Variants in CLN6 observed in about 807,000 individuals in gnomAD.
The protein encoded by CLN6 is ceroid-lipofuscinosis neuronal protein 6.
Under a neutral mutation model 33.3 loss-of-function variants are expected in CLN6, and 22 were observed. The ratio of observed to expected loss-of-function variants is 0.66; its 90% CI spans 0.47 to 0.94. The LOEUF (loss-of-function observed/expected upper bound fraction) is 0.94. CLN6 is among the 40% of genes least tolerant of loss of function. The pLI, the probability that CLN6 is intolerant of heterozygous loss-of-function variation, is 0.00. For missense variants in CLN6, 387 were observed against 417.1 expected (o/e 0.93, Z 0.63); for synonymous variants, 201 against 174.6 (o/e 1.15, Z -1.19).
chr15:68,210,348 G>C lies in CLN6; in HGVS notation c.543-589C>G, dbSNP rs1203557281. Among the ~76,000 whole-genome samples the C allele has an allele frequency of 1.3e-5, 2 of 152,124 alleles. No homozygotes were observed. The highest frequency in any genetic ancestry group is 2.9e-5 in the Non-Finnish European group (2 of 68,026). The stretch of plus-strand genomic sequence containing the variant: ...ACACCCCCTTCCTGCTGGGGCTCCA[G>C]CTCTCTGTTCCTAGCCCCTCCACCC... On this transcript the variant is annotated intron_variant, in intron 5 of 6. Transcript: ENST00000249806. This position sits in a 1 kb window ranked among gnomAD's most constrained non-coding sequence, Gnocchi z 5.6.
In CLN6 at chr15:68,208,513, A is replaced by G. The variant is rs2093194662; in HGVS notation, c.666-103T>C. On this transcript the variant is annotated intron_variant, in intron 6 of 6. Coordinates refer to ENST00000249806, the MANE Select transcript of CLN6 (RefSeq NM_017882.3). The surrounding 1 kb of genome is among the most constrained non-coding windows in gnomAD (Gnocchi z 5.8). ...CCAGGCTGCCCTCCAGGCAGGCAGA[A>G]GAGTCCTCTGGTGCCAGGGCTCAGA... 1.5e-6 allele frequency: 2 copies of G among 1,311,834 alleles called. No homozygotes were observed. Among genetic ancestry groups the G allele is most frequent in the African/African-American group, 1.5e-5 (1 of 68,650 alleles). The allele number at this position is 1,311,834 out of a possible 1,614,324, so 81.3% of individuals were successfully genotyped here.
Position 68,210,024 on chromosome 15 carries a change from G to A in CLN6, c.543-265C>T, listed in dbSNP as rs531916083. Among the ~76,000 whole-genome samples, 1 of 152,290 alleles carries A rather than the reference G, an allele frequency of 6.6e-6. No homozygotes were observed. Among genetic ancestry groups the A allele is most frequent in the African/African-American group, 2.4e-5 (1 of 41,564 alleles). Reference sequence around the variant, plus strand: ...CCCAGGGCACCTCACTCACTCCGTGGGGGTAAGGGGTGTCTGGGGGGTTGT... The same window carrying A: ...CCCAGGGCACCTCACTCACTCCGTGAGGGTAAGGGGTGTCTGGGGGGTTGT... On this transcript the variant is annotated intron_variant, in intron 5 of 6. Transcript: ENST00000249806. This position sits in a 1 kb window ranked among gnomAD's most constrained non-coding sequence, Gnocchi z 5.6.
rs142765691 is a variant in CLN6, at chr15:68,217,704, C to T, written c.198+832G>A. On this transcript the variant is annotated intron_variant, in intron 2 of 6. Coordinates refer to ENST00000249806, the MANE Select transcript of CLN6 (RefSeq NM_017882.3). The stretch of plus-strand genomic sequence containing the variant: ...CTGGATGCCTTCATATCTTTTGGCT[C>T]TATGACTGTGGCCCGTCAGGCAACT... Among the ~76,000 whole-genome samples, 88 of 152,260 alleles carry T rather than the reference C, an allele frequency of 5.8e-4. 2 individuals carry two copies. In the East Asian group the frequency reaches 0.013, roughly 22 times the overall value.
intron 1 of CLN6, among the ~76,000 whole-genome samples, chr15:68,229,087 C>T (rs2093260154): frequency 6.6e-6 from 1 of 152,270 alleles, no homozygotes; most frequent in African/African-American, 2.4e-5. Flanking sequence ...ACCCCGAGAA[C>T]GCGGAGGTGG....
At chr15:68,229,811 C>T (rs1369605644), upstream of CLN6, 5 of 170,308 alleles carry the variant, frequency 2.9e-5, no homozygotes, top group Admixed American at 1.0e-4. Context: ...GGGCGGGCTC[C>T]GCTAGGGGAG....
At chr15:68,245,469 G>A (rs1892321419) in intron 1 of CLN6, among the ~76,000 whole-genome samples, 1 of 152,062 alleles carries the variant, frequency 6.6e-6, no homozygotes, top group Non-Finnish European at 1.5e-5. Context: ...GGTGGCTGAG[G>A]TGGGAGGATC....
intron 1 of CLN6, among the ~76,000 whole-genome samples, chr15:68,223,208 G>A (rs776901679): frequency 2.0e-5 from 3 of 152,106 alleles, no homozygotes; most frequent in African/African-American, 4.8e-5. Context: ...CTCAAAGCAC[G>A]GATGGATGAA....
At chr15:68,245,244 GT>G (rs141241986) in intron 1 of CLN6, among the ~76,000 whole-genome samples, 9,834 of 151,466 alleles carry the variant, frequency 0.065, 1,062 homozygotes, top group African/African-American at 0.22. Context: ...TAACCATAAT[GT>G]TAAAACCTAT....
At chr15:68,212,821 A>G (rs368362428) in intron 3 of CLN6, 6 of 151,896 alleles carry the variant, frequency 4.0e-5, no homozygotes, top group East Asian at 1.9e-4. Flanking sequence ...AAATTCATTT[A>G]TATTTCCTAT....
intron 1 of CLN6, 64 bp downstream of exon 1, chr15:68,229,438 G>A: frequency 1.6e-6 from 2 of 1,279,416 alleles, no homozygotes; most frequent in Non-Finnish European, 2.1e-6. Context: ...AGCGTCACGT[G>A]GCGGGTCCCG....
Position 68,256,281 on chromosome 15 carries a change from G to A in CLN6, c.179+409C>T, listed in dbSNP as rs1892434791. On this transcript the variant is annotated intron_variant, in intron 1 of 6. Coordinates refer to the CLN6 transcript ENST00000538696. The surrounding 1 kb of genome is among the most constrained non-coding windows in gnomAD (Gnocchi z 4.1). ...GCCACCATGCCCAGCTAATTTTTTT[G>A]TATTTTTAGTAGAGGCGGGGTTTCA... 6.6e-6 allele frequency among the ~76,000 whole-genome samples: 1 copy of A among 151,556 alleles called. No individual in the cohort carries two copies. Among genetic ancestry groups the A allele is most frequent in the African/African-American group, 2.4e-5 (1 of 41,238 alleles).
At chr15:68,224,027 T>TA (rs1245434348) in intron 1 of CLN6, among the ~76,000 whole-genome samples, 1 of 150,990 alleles carries the variant, frequency 6.6e-6, no homozygotes, top group Non-Finnish European at 1.5e-5. Flanking sequence ...GCCTGGGCAG[T>TA]AAGAGTGAAA....
upstream of CLN6, among the ~76,000 whole-genome samples, chr15:68,234,101 T>A (rs1892192379): frequency 6.6e-6 from 1 of 152,164 alleles, no homozygotes; most frequent in Non-Finnish European, 1.5e-5. This position sits in a 1 kb window ranked among gnomAD's most constrained non-coding sequence, Gnocchi z 4.1. Flanking sequence ...AAGGATGCAG[T>A]TGGGCCTCAG....
At chr15:68,223,711 C>T (rs1478861512) in intron 1 of CLN6, among the ~76,000 whole-genome samples, 2 of 151,602 alleles carry the variant, frequency 1.3e-5, no homozygotes, top group Non-Finnish European at 2.9e-5. Context: ...ATGAGAATCC[C>T]TGTCATTAGT....
chr15:68,246,982 C>A lies in CLN6; in HGVS notation c.179+9708G>T, dbSNP rs1434478336. Among the ~76,000 whole-genome samples, 2 of 151,956 alleles carry A rather than the reference C, an allele frequency of 1.3e-5. No individual in the cohort carries two copies. The highest frequency in any genetic ancestry group is 3.9e-4 in the East Asian group (2 of 5,184). The stretch of plus-strand genomic sequence containing the variant: ...ACCAGCCTGGCCAACATATTAAAAC[C>A]CTGTCTCTATTAAAAATACAAAAAT... On this transcript the variant is annotated intron_variant, in intron 1 of 6. Transcript: ENST00000538696. The surrounding 1 kb of genome is among the most constrained non-coding windows in gnomAD (Gnocchi z 4.5).
upstream of CLN6, chr15:68,257,135 G>A (rs748356036): frequency 1.7e-5 from 6 of 344,350 alleles, no homozygotes; most frequent in Non-Finnish European, 2.6e-5. Context: ...GCGAGCGCAC[G>A]GCAGCGGTGC....
chr15:68,208,101 C>A lies in CLN6; in HGVS notation c.*39G>T. ...ATTCAGATGCCCTCCATGGCCCACC[C>A]TCCCACCCAGCAGAGCGCCAGAGCC... On this transcript the variant is annotated 3_prime_UTR_variant, in exon 7 of 7. Coordinates refer to ENST00000249806, the MANE Select transcript of CLN6 (RefSeq NM_017882.3). This position sits in a 1 kb window ranked among gnomAD's most constrained non-coding sequence, Gnocchi z 5.8. The A allele has an allele frequency of 2.6e-6, 4 of 1,519,178 alleles. No homozygotes were observed. The East Asian group carries it at 7.2e-5, about 27-fold the overall frequency. The allele number at this position is 1,519,178 out of a possible 1,614,324, so 94.1% of individuals were successfully genotyped here.
rs544575424 is a variant in CLN6 at position 68,256,665 on chromosome 15, C to G, written c.179+25G>C. On this transcript the variant is annotated intron_variant, in intron 1 of 6. Transcript: ENST00000538696. This position sits in a 1 kb window ranked among gnomAD's most constrained non-coding sequence, Gnocchi z 4.1. ...AGGGCTTCGCCCTTGGTTTAATGCG[C>G]TGCTCTCATTGCCTTGAAACTTACT... is the stretch of plus-strand genomic sequence containing the variant. 8 of 630,788 alleles carry G rather than the reference C, an allele frequency of 1.3e-5. No individual in the cohort carries two copies. The highest frequency in any genetic ancestry group is 2.5e-5 in the Admixed American group (1 of 39,280). The allele number at this position is 630,788 out of a possible 1,614,324, so 39.1% of individuals were successfully genotyped here. A position where few individuals can be genotyped will look rare whatever the true frequency, so the allele number is the denominator to read the frequency against.
intron 2 of CLN6, among the ~76,000 whole-genome samples, chr15:68,216,804 C>T (rs995693189): frequency 4.7e-4 from 72 of 152,318 alleles, no homozygotes; most frequent in African/African-American, 1.6e-3. Context: ...CTGATTATAT[C>T]CCTACGGGCA....
Sources: gnomAD v4.1 joint callset for allele counts (sites outside exome capture counted in the v4.1 genomes callset) on GRCh38, gnomAD v4.1.1 for gene constraint, Gnocchi (gnomAD v3.1) non-coding constraint, MANE v1.5 for transcripts, NCBI Gene and HGNC (gene_info 2026-07-23, HGNC 2026-07-21) for gene names.